The following SIRT1 variants were observed in gnomAD, a reference collection of about 807,000 sequenced individuals.
SIRT1 encodes the protein NAD-dependent protein deacetylase sirtuin-1.
In SIRT1, 24 loss-of-function variants were observed where a neutral mutation model predicts 67.9. The ratio of observed to expected loss-of-function variants is 0.35; its 90% confidence interval spans 0.26 to 0.50. The LOEUF is 0.50. Among genes scored for constraint, SIRT1 ranks in the 20% least tolerant of loss-of-function variants. The probability of loss-of-function intolerance (pLI) is 0.98; values close to 1 mark genes in which losing one functional copy is unlikely to be tolerated. For synonymous variants in SIRT1, 378 were observed against 350.7 expected, an observed-to-expected ratio of 1.08 and a Z score of -0.87; for missense variants, 873 against 937.2, an observed-to-expected ratio of 0.93 and a Z score of 0.89.
At chr10:67,911,925 C>T (rs1368991398) in intron 7 of SIRT1, among the ~76,000 whole-genome samples, 7 of 151,804 alleles carry the variant, frequency 4.6e-5, no homozygotes, top group South Asian at 2.1e-4. Flanking sequence ...ACCACACGCC[C>T]GGCTAATTTT....
intron 4 of SIRT1, among the ~76,000 whole-genome samples, chr10:67,905,465 T>C (rs1041626588): frequency 6.6e-6 from 1 of 152,258 alleles, no homozygotes; most frequent in African/African-American, 2.4e-5. Context: ...ATACGAGGTT[T>C]TTAGCAGCAT....
chr10:67,890,237 G>A (rs1198306276), intron 3 of SIRT1, among the ~76,000 whole-genome samples: 1 of 152,098 alleles, frequency 6.6e-6, no homozygotes. Flanking sequence ...TGTATTTTTA[G>A]TAGAGATGGG....
Position 67,889,079 on chromosome 10 carries a change from T to C in SIRT1, c.745T>C (p.Leu249=). 6.2e-7 allele frequency: 1 copy of C among 1,607,810 alleles called. No homozygotes were observed. Residue 249 remains leucine, a synonymous_variant, in exon 3 of 9, where the codon TTA becomes CTA. Transcript: ENST00000212015. ...TAATACAATTGAAGATGCTGTGAAA[T>C]TACTGCAAGAGTGCAAAAAAATTAT... is the stretch of plus-strand genomic sequence containing the variant. ...DINTIEDAVK[L]LQECKKIIVL... is the part of the protein sequence containing the mutation.
chr10:67,885,085 G>A lies in SIRT1; in HGVS notation c.364G>A (p.Asp122Asn), dbSNP rs1266282487. Residue 122 changes from aspartate to asparagine, a missense_variant, in exon 1 of 9, where the codon GAC becomes AAC. By Grantham distance (23) the Asp-to-Asn change is conservative. This residue lies in a region of SIRT1 where 327 missense variants were observed against 283.9 expected (regional missense o/e 1.15). Transcript: ENST00000212015. ...GCCACCGCTGGCCGACAACTTGTAC[G>A]ACGAAGACGACGACGACGAGGGCGA... ...REPPLADNLY[D>N]EDDDDEGEEE... The A allele has an allele frequency of 1.1e-5, 16 of 1,448,618 alleles. No individual in the cohort carries two copies. The highest frequency in any genetic ancestry group is 1.4e-5 in the Non-Finnish European group (15 of 1,094,198). 89.7% of individuals were successfully genotyped at this position (1,448,618 alleles called of 1,614,324 possible).
chr10:67,891,308 TCTCAAC>T, intron 3 of SIRT1, 88 bp from the exon 4 acceptor site: 1 of 1,126,866 alleles, frequency 8.9e-7, no homozygotes, highest in East Asian at 2.4e-5. Context: ...AAATTTTCTT[TCTCAAC>T]TCTTACCTAA....
chr10:67,900,560 T>C (rs1432035785), intron 4 of SIRT1, among the ~76,000 whole-genome samples: 9 of 152,188 alleles, frequency 5.9e-5, no homozygotes, highest in Non-Finnish European at 1.2e-4. Flanking sequence ...TTCTCCTGTC[T>C]CAGCCTCCCA....
At chr10:67,885,260 G>C in intron 1 of SIRT1, 109 bp downstream of exon 1, 1 of 1,249,572 alleles carries the variant, frequency 8.0e-7, no homozygotes, top group Non-Finnish European at 1.0e-6. Context: ...GCTCCGCGGC[G>C]TTCCCCTCCC....
At chr10:67,901,443 C>A (rs1842743383) in intron 4 of SIRT1, among the ~76,000 whole-genome samples, 1 of 152,142 alleles carries the variant, frequency 6.6e-6, no homozygotes, top group South Asian at 2.1e-4. Flanking sequence ...TTGTTTTCAT[C>A]TGCATCGGGG....
intron 3 of SIRT1, among the ~76,000 whole-genome samples, chr10:67,890,955 A>G (rs1490126952): frequency 6.7e-6 from 1 of 148,466 alleles, no homozygotes; most frequent in African/African-American, 2.5e-5. Context: ...GTGTGAACCC[A>G]GGAGGCGGAG....
chr10:67,885,110 A>G lies in SIRT1; in HGVS notation c.389A>G (p.Glu130Gly), dbSNP rs1842454187. ...LYDEDDDDEG[E>G]EEEEAAAAAI... ...GACGAAGACGACGACGACGAGGGCG[A>G]GGAGGAGGAAGAGGCGGCGGCGGCG... The change falls in exon 1 of 9, where the codon GAG (glutamate) becomes GGG (glycine). Residue 130 changes from glutamate (E) to glycine (G), a missense_variant. Coordinates refer to ENST00000212015, the MANE Select transcript of SIRT1 (RefSeq NM_012238.5). The G allele has an allele frequency of 1.4e-6, 2 of 1,440,100 alleles. No individual in the cohort carries two copies. Among genetic ancestry groups the G allele is most frequent in the Admixed American group, 2.8e-5 (1 of 35,692 alleles). The allele number at this position is 1,440,100 out of a possible 1,614,324, so 89.2% of individuals were successfully genotyped here.
At chr10:67,893,361 T>C (rs1217206026) in intron 4 of SIRT1, among the ~76,000 whole-genome samples, 1 of 152,174 alleles carries the variant, frequency 6.6e-6, no homozygotes, top group African/African-American at 2.4e-5. Flanking sequence ...TGTGTTCTTA[T>C]TGTTCAACTC....
At chr10:67,895,555 A>G (rs1372635446) in intron 4 of SIRT1, among the ~76,000 whole-genome samples, 1 of 152,100 alleles carries the variant, frequency 6.6e-6, no homozygotes, top group African/African-American at 2.4e-5. Context: ...AAAGTTCACT[A>G]AAGTGGTTTA....
chr10:67,900,678 G>A (rs1229825059), intron 4 of SIRT1, among the ~76,000 whole-genome samples: 2 of 151,984 alleles, frequency 1.3e-5, no homozygotes, highest in African/African-American at 2.4e-5. Context: ...TCCTGAGCTC[G>A]AGTGATTCTG....
chr10:67,911,921 C>T (rs545487077), intron 7 of SIRT1, among the ~76,000 whole-genome samples: 5 of 152,016 alleles, frequency 3.3e-5, no homozygotes, highest in South Asian at 4.2e-4. Context: ...CGCTACCACA[C>T]GCCCGGCTAA....
intron 2 of SIRT1, among the ~76,000 whole-genome samples, chr10:67,887,805 A>G (rs1842509547): frequency 6.6e-6 from 1 of 152,082 alleles, no homozygotes; most frequent in Non-Finnish European, 1.5e-5. Flanking sequence ...TGAACTCCCG[A>G]CCTCAGGTGA....
chr10:67,900,625 T>C (rs1011843719), intron 4 of SIRT1, among the ~76,000 whole-genome samples: 7 of 151,954 alleles, frequency 4.6e-5, no homozygotes, highest in Admixed American at 6.6e-5. Flanking sequence ...TTTGTTTTTT[T>C]TATATGGACA....
chr10:67,913,860 C>T (rs769271210), intron 8 of SIRT1, among the ~76,000 whole-genome samples: 9 of 152,096 alleles, frequency 5.9e-5, no homozygotes, highest in Non-Finnish European at 1.3e-4. Flanking sequence ...CAGTCATTTG[C>T]TGTAAATACA....
chr10:67,898,186 G>T (rs1842688006), intron 4 of SIRT1, among the ~76,000 whole-genome samples: 1 of 149,562 alleles, frequency 6.7e-6, no homozygotes. Context: ...TTGAACCCAG[G>T]AGGCGGAGGT....
At chr10:67,887,632 A>C (rs1842505704) in intron 2 of SIRT1, 99 bp downstream of exon 2, 1 of 741,722 alleles carries the variant, frequency 1.3e-6, no homozygotes, top group Non-Finnish European at 2.3e-6. Context: ...GCTGGAGTGC[A>C]ATGGCGCGAT....
Sources: allele counts gnomAD v4.1 joint callset (sites outside exome capture counted in the v4.1 genomes callset), GRCh38; gene constraint gnomAD v4.1.1; regional missense constraint gnomAD v4.1.1; transcripts MANE v1.5; gene names NCBI Gene and HGNC (gene_info 2026-07-23, HGNC 2026-07-21).